The following NMNAT2 variants were observed in gnomAD, a reference collection of about 807,000 sequenced individuals.
NMNAT2 encodes the protein nicotinamide/nicotinic acid mononucleotide adenylyltransferase 2.
In NMNAT2, 11 loss-of-function variants were observed where a neutral mutation model predicts 41.6. The observed-to-expected ratio is 0.26, with a 90% confidence interval of 0.17 to 0.44. NMNAT2 has a LOEUF of 0.44. Ranked by LOEUF, NMNAT2 falls within the 20% of genes least tolerant of loss-of-function variation. NMNAT2 has a pLI of 1.00. For synonymous variants in NMNAT2, 148 were observed against 151.2 expected (o/e 0.98, Z 0.16); for missense variants, 288 against 407.7 (o/e 0.71, Z 2.53).
Position 183,295,066 on chromosome 1 carries a change from C to A in NMNAT2, c.86-1273G>T, listed in dbSNP as rs962847448. The stretch of plus-strand genomic sequence containing the variant: ...TCACTTAGGCTGCAGTGCAGTGGTG[C>A]GATCTTGGCTCACTGCCACCTCTAC... On this transcript the variant is annotated intron_variant, in intron 1 of 10. Transcript: ENST00000287713. Among the ~76,000 whole-genome samples, 2 of 152,168 alleles carry A rather than the reference C, an allele frequency of 1.3e-5. 1 individual carries two copies. The highest frequency in any genetic ancestry group is 4.8e-5 in the African/African-American group (2 of 41,458).
intron 1 of NMNAT2, among the ~76,000 whole-genome samples, chr1:183,393,541 T>C (rs1374128781): frequency 6.6e-6 from 1 of 152,098 alleles, no homozygotes; most frequent in East Asian, 1.9e-4. Flanking sequence ...ATCTGGAAAC[T>C]TCACTATCCT....
intron 1 of NMNAT2, among the ~76,000 whole-genome samples, chr1:183,383,142 G>C (rs992296314): frequency 6.6e-6 from 1 of 152,158 alleles, no homozygotes; most frequent in African/African-American, 2.4e-5. Context: ...AGCTGCCAAG[G>C]CTTATGGCTT....
At chr1:183,365,036 G>C (rs1300777284) in intron 1 of NMNAT2, among the ~76,000 whole-genome samples, 2 of 152,132 alleles carry the variant, frequency 1.3e-5, no homozygotes, top group Non-Finnish European at 2.9e-5. Flanking sequence ...GCCTCCATTT[G>C]CTCATATTTA....
intron 1 of NMNAT2, among the ~76,000 whole-genome samples, chr1:183,318,442 C>G (rs1662297376): frequency 6.6e-6 from 1 of 152,176 alleles, no homozygotes; most frequent in African/African-American, 2.4e-5. Context: ...GCTCGGAAGT[C>G]AGGGCAGCTC....
At chr1:183,416,965 G>A (rs967810507) in intron 1 of NMNAT2, among the ~76,000 whole-genome samples, 4 of 152,112 alleles carry the variant, frequency 2.6e-5, no homozygotes, top group Admixed American at 1.3e-4. Flanking sequence ...CCTTGCTGGC[G>A]GGCCAGGTCA....
intron 1 of NMNAT2, among the ~76,000 whole-genome samples, chr1:183,371,110 GA>G (rs1246441224): frequency 6.6e-5 from 10 of 152,180 alleles, no homozygotes; most frequent in Admixed American, 6.5e-4. Flanking sequence ...GGTATATGCG[GA>G]CAGACTGATT....
chr1:183,346,901 AC>A (rs1311099109), intron 1 of NMNAT2, among the ~76,000 whole-genome samples: 1 of 151,766 alleles, frequency 6.6e-6, no homozygotes, highest in Non-Finnish European at 1.5e-5. Flanking sequence ...GTCATTTCTC[AC>A]CCCTTTTCTT....
intron 1 of NMNAT2, among the ~76,000 whole-genome samples, chr1:183,353,080 C>T (rs1270385526): frequency 6.6e-6 from 1 of 152,124 alleles, no homozygotes; most frequent in East Asian, 1.9e-4. Context: ...GATCTTGGCT[C>T]ACTGCAACCT....
intron 8 of NMNAT2, among the ~76,000 whole-genome samples, chr1:183,266,416 C>G (rs1660816548): frequency 6.6e-6 from 1 of 152,162 alleles, no homozygotes; most frequent in South Asian, 2.1e-4. Flanking sequence ...AACCTGCATC[C>G]CTTGTGCGCT....
rs2101936183 is a variant in NMNAT2, at chr1:183,418,165, G to A, written c.85+18C>T. 1.2e-6 allele frequency: 2 copies of A among 1,611,194 alleles called. No homozygotes were observed. The highest frequency in any genetic ancestry group is 4.5e-5 in the East Asian group (2 of 44,838). The stretch of plus-strand genomic sequence containing the variant: ...AGAGGAGCGGAAGCGGCTTCCAGAG[G>A]TGGGCGGGAGGACTCACCAAACATC... On this transcript the variant is annotated intron_variant, in intron 1 of 10. Coordinates refer to ENST00000287713, the MANE Select transcript of NMNAT2 (RefSeq NM_015039.4).
intron 1 of NMNAT2, among the ~76,000 whole-genome samples, chr1:183,322,940 T>C (rs1029527290): frequency 2.0e-4 from 31 of 152,124 alleles, no homozygotes; most frequent in African/African-American, 7.5e-4. Context: ...AAAACTAGAC[T>C]TTTTTTCTTT....
chr1:183,358,681 T>C (rs1287092215), intron 1 of NMNAT2, among the ~76,000 whole-genome samples: 3 of 152,174 alleles, frequency 2.0e-5, no homozygotes, highest in Non-Finnish European at 1.5e-5. Context: ...ATCACTTTTT[T>C]CCCCTCATCA....
At chr1:183,311,462 A>G (rs550663896) in intron 1 of NMNAT2, among the ~76,000 whole-genome samples, 1 of 152,244 alleles carries the variant, frequency 6.6e-6, no homozygotes, top group African/African-American at 2.4e-5. Flanking sequence ...AGCTAATTGC[A>G]CTGGTGTCTT....
At chr1:183,271,535 A>C (rs1167174254) in intron 8 of NMNAT2, among the ~76,000 whole-genome samples, 1 of 152,210 alleles carries the variant, frequency 6.6e-6, no homozygotes, top group African/African-American at 2.4e-5. Flanking sequence ...TAAGTGAATA[A>C]CGGCCAACAT....
At chr1:183,320,117 G>A (rs1255747598) in intron 1 of NMNAT2, among the ~76,000 whole-genome samples, 1 of 152,214 alleles carries the variant, frequency 6.6e-6, no homozygotes, top group Non-Finnish European at 1.5e-5. Flanking sequence ...AATAGATCCT[G>A]AGGATGAGAT....
intron 8 of NMNAT2, among the ~76,000 whole-genome samples, chr1:183,263,672 G>A (rs1162300953): frequency 6.6e-6 from 1 of 152,214 alleles, no homozygotes; most frequent in African/African-American, 2.4e-5. Flanking sequence ...GCCGGGCGTG[G>A]TGGCAGGTGC....
At chr1:183,255,259 G>A (rs1168716414) in intron 10 of NMNAT2, among the ~76,000 whole-genome samples, 4 of 152,052 alleles carry the variant, frequency 2.6e-5, no homozygotes, top group South Asian at 2.1e-4. Context: ...CTCACTATTC[G>A]GTTCCACTGC....
In NMNAT2 at chr1:183,252,591, G is replaced by T. The variant is rs909018794; in HGVS notation, c.*50C>A. 1 of 1,243,224 alleles carries T rather than the reference G, an allele frequency of 8.0e-7. No individual in the cohort carries two copies. The highest frequency in any genetic ancestry group is 1.7e-5 in the Admixed American group (1 of 59,542). 77.0% of individuals were successfully genotyped at this position (1,243,224 alleles called of 1,614,324 possible). On this transcript the variant is annotated 3_prime_UTR_variant, in exon 11 of 11. Coordinates refer to ENST00000287713, the MANE Select transcript of NMNAT2 (RefSeq NM_015039.4). ...AACAGAGAGGCAGGAGAGAAACAGG[G>T]GGCTGACAAAGATGGAGGGGCCATT...
At chr1:183,361,468 T>C (rs1663305877) in intron 1 of NMNAT2, among the ~76,000 whole-genome samples, 1 of 152,228 alleles carries the variant, frequency 6.6e-6, no homozygotes, top group Non-Finnish European at 1.5e-5. Context: ...ATGAAAAGAC[T>C]AATACTGCAT....
Sources: gnomAD v4.1 joint callset for allele counts (sites outside exome capture counted in the v4.1 genomes callset) on GRCh38, gnomAD v4.1.1 for gene constraint, MANE v1.5 for transcripts, NCBI Gene and HGNC (gene_info 2026-07-23, HGNC 2026-07-21) for gene names.